The following PKNOX2 variants were observed in gnomAD, a reference collection of about 807,000 sequenced individuals.
PKNOX2 encodes the protein homeobox protein PKNOX2.
In PKNOX2, 14 loss-of-function variants were observed where a neutral mutation model predicts 53.1. The ratio of observed to expected loss-of-function variants is 0.26; its 90% CI spans 0.17 to 0.41. PKNOX2 has a LOEUF of 0.41. PKNOX2 is among the 10% of genes least tolerant of loss of function. The probability of loss-of-function intolerance (pLI) is 1.00; values close to 1 mark genes in which losing one functional copy is unlikely to be tolerated. For synonymous variants in PKNOX2, 257 were observed against 242.8 expected, an observed-to-expected ratio of 1.06 and a Z score of -0.54; for missense variants, 496 against 602.8, an observed-to-expected ratio of 0.82 and a Z score of 1.85.
At chr11:125,395,254 T>C (rs1294696956) in intron 6 of PKNOX2, among the ~76,000 whole-genome samples, 2 of 152,240 alleles carry the variant, frequency 1.3e-5, no homozygotes, top group Admixed American at 6.5e-5. Context: ...CAATAGCTCA[T>C]TCTTTTTTAT....
intron 10 of PKNOX2, among the ~76,000 whole-genome samples, chr11:125,414,012 G>T (rs1203250629): frequency 1.3e-5 from 2 of 152,104 alleles, no homozygotes; most frequent in Non-Finnish European, 2.9e-5. Context: ...GAGACTGGAG[G>T]GTCACCCATC....
intron 5 of PKNOX2, among the ~76,000 whole-genome samples, chr11:125,376,455 C>A (rs2135301575): frequency 6.6e-6 from 1 of 152,282 alleles, no homozygotes; most frequent in Middle Eastern, 3.4e-3. Context: ...GCACCTTCCT[C>A]CCTACTCCCT....
chr11:125,318,578 A>T (rs1160345996), intron 2 of PKNOX2, among the ~76,000 whole-genome samples: 1 of 152,160 alleles, frequency 6.6e-6, no homozygotes, highest in Admixed American at 6.5e-5. Context: ...CAGCAATAAG[A>T]CTGTCTCACT....
At chr11:125,229,166 C>T (rs1443055786) in intron 1 of PKNOX2, among the ~76,000 whole-genome samples, 1 of 152,184 alleles carries the variant, frequency 6.6e-6, no homozygotes, top group Non-Finnish European at 1.5e-5. Context: ...CAGCTGAGAA[C>T]ATAATGCGAC....
At chr11:125,270,072 C>A (rs1363690670) in intron 2 of PKNOX2, among the ~76,000 whole-genome samples, 1 of 152,182 alleles carries the variant, frequency 6.6e-6, no homozygotes, top group Non-Finnish European at 1.5e-5. Flanking sequence ...ATTCAATGGT[C>A]TTTCTGGCTA....
intron 5 of PKNOX2, among the ~76,000 whole-genome samples, chr11:125,382,494 G>A (rs1953320313): frequency 6.6e-6 from 1 of 152,262 alleles, no homozygotes; most frequent in Admixed American, 6.5e-5. Flanking sequence ...CCCTTGTACA[G>A]AGTCGATTTG....
intron 2 of PKNOX2, among the ~76,000 whole-genome samples, chr11:125,268,608 G>T (rs1013910093): frequency 6.6e-6 from 1 of 152,210 alleles, no homozygotes. Flanking sequence ...ATCAATGCTG[G>T]CTTTCAGTGA....
intron 3 of PKNOX2, among the ~76,000 whole-genome samples, chr11:125,337,534 A>G (rs944528772): frequency 6.6e-6 from 1 of 152,170 alleles, no homozygotes; most frequent in Non-Finnish European, 1.5e-5. Context: ...CCGATCTTGC[A>G]ATGAGGATCC....
chr11:125,273,969 G>A (rs1312578439), intron 2 of PKNOX2, among the ~76,000 whole-genome samples: 1 of 152,308 alleles, frequency 6.6e-6, no homozygotes, highest in Middle Eastern at 3.4e-3. Context: ...GATATTGTGA[G>A]TGAGGCCAGG....
intron 2 of PKNOX2, among the ~76,000 whole-genome samples, chr11:125,291,354 C>T (rs901814919): frequency 6.6e-6 from 1 of 152,108 alleles, no homozygotes; most frequent in Non-Finnish European, 1.5e-5. Context: ...AGCTTGGACT[C>T]ATCCCCTTCT....
intron 2 of PKNOX2, among the ~76,000 whole-genome samples, chr11:125,266,176 A>G (rs1183249006): frequency 6.6e-6 from 1 of 152,224 alleles, no homozygotes; most frequent in East Asian, 1.9e-4. Context: ...TAGCTCAGAA[A>G]GCACGAGCAG....
At chr11:125,331,428 C>T (rs1185387345) in intron 2 of PKNOX2, among the ~76,000 whole-genome samples, 1 of 151,890 alleles carries the variant, frequency 6.6e-6, no homozygotes, top group Non-Finnish European at 1.5e-5. Context: ...AAATCTACCA[C>T]TGTCCCCCCT....
intron 3 of PKNOX2, among the ~76,000 whole-genome samples, chr11:125,338,196 T>G (rs1950518704): frequency 6.6e-6 from 1 of 152,074 alleles, no homozygotes; most frequent in African/African-American, 2.4e-5. Context: ...CCTGTCTCCC[T>G]CTGCCCATCT....
At chr11:125,426,530 CT>C (rs1956432882) in intron 10 of PKNOX2, among the ~76,000 whole-genome samples, 2 of 152,020 alleles carry the variant, frequency 1.3e-5, no homozygotes, top group African/African-American at 2.4e-5. Context: ...AAGTCTGCGT[CT>C]CCTTATTGTG....
chr11:125,171,619 C>T (rs537958049), intron 1 of PKNOX2, among the ~76,000 whole-genome samples: 1 of 152,348 alleles, frequency 6.6e-6, no homozygotes, highest in East Asian at 1.9e-4. Context: ...ATGGTTGACT[C>T]TCCTCTGTCA....
chr11:125,393,755 G>A (rs569875894), intron 6 of PKNOX2, among the ~76,000 whole-genome samples: 63 of 152,236 alleles, frequency 4.1e-4, no homozygotes, highest in African/African-American at 1.4e-3. Flanking sequence ...CACATTACCA[G>A]GAAGGGTTCT....
intron 2 of PKNOX2, among the ~76,000 whole-genome samples, chr11:125,294,199 G>A (rs1947502271): frequency 6.6e-6 from 1 of 152,180 alleles, no homozygotes; most frequent in Non-Finnish European, 1.5e-5. Context: ...CCTGCTTGAA[G>A]TTGTTTTTGA....
At chr11:125,309,131 CTTTCTTTCT>C (rs1565493485) in intron 2 of PKNOX2, among the ~76,000 whole-genome samples, 34 of 102,420 alleles carry the variant, frequency 3.3e-4, no homozygotes, top group African/African-American at 1.4e-3. Flanking sequence ...TTACCTCTTC[CTTTCTTTCT>C]TTCTTTCTTT....
intron 1 of PKNOX2, among the ~76,000 whole-genome samples, chr11:125,226,188 G>A (rs1444397984): frequency 6.6e-6 from 1 of 152,096 alleles, no homozygotes; most frequent in African/African-American, 2.4e-5. Context: ...ATAGACATCT[G>A]GATTTATTTG....
Sources: allele counts gnomAD v4.1 joint callset (sites outside exome capture counted in the v4.1 genomes callset), GRCh38; gene constraint gnomAD v4.1.1; transcripts MANE v1.5; gene names NCBI Gene and HGNC (gene_info 2026-07-23, HGNC 2026-07-21).